Variants in WRN observed in about 807,000 individuals in gnomAD.
WRN encodes the protein bifunctional 3'-5' exonuclease/ATP-dependent helicase WRN.
WRN carries 149 observed loss-of-function variants against 180.7 expected under a neutral mutation model. The ratio of observed to expected loss-of-function variants is 0.82; its 90% CI spans 0.72 to 0.94. The LOEUF is 0.94. Among genes scored for constraint, WRN ranks in the 40% least tolerant of loss-of-function variants. The pLI is 0.00. For missense variants in WRN, 1,661 were observed against 1,700.1 expected (o/e 0.98, Z 0.40); for synonymous variants, 548 against 568.9 (o/e 0.96, Z 0.52).
intron 23 of WRN, among the ~76,000 whole-genome samples, chr8:31,126,505 T>C (rs535660526): frequency 6.6e-6 from 1 of 152,322 alleles, no homozygotes; most frequent in South Asian, 2.1e-4. Context: ...GAAGGAAATT[T>C]ATAGCATTAA....
At chr8:31,060,156 A>G (rs986744781) in intron 3 of WRN, among the ~76,000 whole-genome samples, 26 of 152,226 alleles carry the variant, frequency 1.7e-4, no homozygotes, top group Non-Finnish European at 3.8e-4. Context: ...TAGGACTGCA[A>G]TAGTGCAATC....
At chr8:31,127,485 G>A (rs527857681) in intron 23 of WRN, among the ~76,000 whole-genome samples, 6 of 152,120 alleles carry the variant, frequency 3.9e-5, no homozygotes, top group South Asian at 4.2e-4. Flanking sequence ...CAATAGCTGC[G>A]TTACTGTAAG....
intron 17 of WRN, 47 bp downstream of exon 17, chr8:31,096,897 T>C (rs768264622): frequency 1.9e-5 from 29 of 1,540,038 alleles, no homozygotes; most frequent in Non-Finnish European, 2.4e-5. Context: ...GAGTTAATAT[T>C]TAAAGTTAAA....
chr8:31,147,272 A>G, intron 29 of WRN, 92 bp from the exon 30 acceptor site: 4 of 1,467,492 alleles, frequency 2.7e-6, no homozygotes, highest in Non-Finnish European at 3.8e-6. Flanking sequence ...TATTCATTCT[A>G]AGGAAAAATG....
At chr8:31,114,893 GGTTT>G (rs1801453878) in intron 19 of WRN, among the ~76,000 whole-genome samples, 5 of 136,162 alleles carry the variant, frequency 3.7e-5, no homozygotes, top group East Asian at 2.1e-4. Context: ...TTTAAAATAA[GGTTT>G]TTTTTTTTTT....
At chr8:31,130,618 G>GT (rs35645656) in intron 23 of WRN, among the ~76,000 whole-genome samples, 6 of 142,998 alleles carry the variant, frequency 4.2e-5, no homozygotes, top group African/African-American at 1.5e-4. Context: ...TAGGATTTGG[G>GT]TTTTTTTTTT....
At chr8:31,155,055 CA>C (rs1803324554) in intron 32 of WRN, among the ~76,000 whole-genome samples, 4 of 152,206 alleles carry the variant, frequency 2.6e-5, no homozygotes, top group Admixed American at 2.6e-4. Context: ...ATGGGACTAA[CA>C]GTTTAAAAAC....
At chr8:31,059,057 C>A in intron 2 of WRN, 96 bp from the exon 3 acceptor site, 1 of 931,866 alleles carries the variant, frequency 1.1e-6, no homozygotes, top group Non-Finnish European at 1.8e-6. Context: ...AAACTTAGAA[C>A]TATAAATTGA....
At chr8:31,049,423 T>C (rs1812003049) in intron 1 of WRN, among the ~76,000 whole-genome samples, 1 of 151,248 alleles carries the variant, frequency 6.6e-6, no homozygotes, top group Non-Finnish European at 1.5e-5. Flanking sequence ...TCCCAGCTAC[T>C]TGGGAGGCTG....
rs766382846 is a variant in WRN, at chr8:31,143,533, T to A, written c.3310-17T>A. 3.2e-6 allele frequency: 5 copies of A among 1,540,464 alleles called. No homozygotes were observed. The South Asian group carries it at 4.7e-5, about 14-fold the overall frequency. ...TTTGAAACTTTTTTTAATGGACCTT[T>A]ATATGTTTAAATGCAGTCTAACTTG... On this transcript the variant is annotated splice_polypyrimidine_tract_variant and intron_variant, in intron 27 of 34. Coordinates refer to ENST00000298139, the MANE Select transcript of WRN (RefSeq NM_000553.6).
chr8:31,099,553 T>TTTTG (rs765995451), intron 17 of WRN, among the ~76,000 whole-genome samples: 3 of 151,190 alleles, frequency 2.0e-5, no homozygotes, highest in East Asian at 1.9e-4. Flanking sequence ...TAGGTTTTTT[T>TTTTG]TTTGTTTGTT....
chr8:31,130,025 C>CAA (rs1230671171), intron 23 of WRN, among the ~76,000 whole-genome samples: 1,683 of 60,200 alleles, frequency 0.028, 67 homozygotes, highest in African/African-American at 0.067. Context: ...CAAAACAAAA[C>CAA]AAAAAAAAAA....
In WRN at chr8:31,151,386, A is replaced by G. The variant is rs772689996; in HGVS notation, c.3687+931A>G. On this transcript the variant is annotated intron_variant, in intron 31 of 34. Transcript: ENST00000298139. ...ACTTTAGAAAAATCTTTCTCTAACTATAAGTAGAAAACCCTTCTGCTTTTT... is the reference window on the plus strand; with the variant it reads ...ACTTTAGAAAAATCTTTCTCTAACTGTAAGTAGAAAACCCTTCTGCTTTTT... Among the ~76,000 whole-genome samples, 25 of 152,328 alleles carry G rather than the reference A, an allele frequency of 1.6e-4. No individual in the cohort carries two copies. The highest frequency in any genetic ancestry group is 2.8e-4 in the Non-Finnish European group (19 of 68,026).
chr8:31,108,415 A>G (rs1801177351), intron 18 of WRN, among the ~76,000 whole-genome samples: 2 of 152,160 alleles, frequency 1.3e-5, no homozygotes, highest in African/African-American at 4.8e-5. Flanking sequence ...TACTTATAAG[A>G]GAAAAGGTTC....
chr8:31,053,478 G>A (rs981931260), intron 1 of WRN, among the ~76,000 whole-genome samples: 8 of 152,158 alleles, frequency 5.3e-5, no homozygotes, highest in Non-Finnish European at 1.2e-4. Flanking sequence ...GTGAAGAAAT[G>A]CGGTGAGCTA....
intron 1 of WRN, among the ~76,000 whole-genome samples, chr8:31,049,255 G>GC (rs1811996538): frequency 7.1e-6 from 1 of 140,966 alleles, no homozygotes; most frequent in African/African-American, 2.6e-5. Flanking sequence ...AATAGGCCCA[G>GC]CAAGGTAGCT....
At chr8:31,097,752 C>T (rs1055939212) in intron 17 of WRN, among the ~76,000 whole-genome samples, 2 of 151,852 alleles carry the variant, frequency 1.3e-5, no homozygotes, top group African/African-American at 2.4e-5. Context: ...GCACTCCATC[C>T]TGGGCAACAG....
At chr8:31,082,655 G>T (rs945606186) in intron 9 of WRN, among the ~76,000 whole-genome samples, 1 of 151,358 alleles carries the variant, frequency 6.6e-6, no homozygotes, top group African/African-American at 2.4e-5. Context: ...GGAGTGCCGT[G>T]GCGCAGTCTT....
intron 18 of WRN, among the ~76,000 whole-genome samples, chr8:31,109,158 A>G (rs1487123348): frequency 6.6e-6 from 1 of 152,224 alleles, no homozygotes. Flanking sequence ...AGACAGCAAC[A>G]TGCAAGAATA....
Sources: allele counts gnomAD v4.1 joint callset (sites outside exome capture counted in the v4.1 genomes callset), GRCh38; gene constraint gnomAD v4.1.1; transcripts MANE v1.5; gene names NCBI Gene and HGNC (gene_info 2026-07-23, HGNC 2026-07-21).